KIF27: variants seen among roughly 807,000 people sequenced by gnomAD.
The protein encoded by KIF27 is kinesin family member 27.
A neutral mutation model predicts 141.8 loss-of-function variants in KIF27; 84 were observed. That is an observed-to-expected ratio of 0.59 (90% CI 0.50 to 0.71). KIF27 has a LOEUF of 0.71. KIF27 is among the 30% of genes least tolerant of loss of function. KIF27 has a pLI of 0.00. For missense variants in KIF27, 1,306 were observed against 1,628.4 expected (o/e 0.80, Z 3.41); for synonymous variants, 471 against 569.5 (o/e 0.83, Z 2.46).
At chr9:83,851,378 TC>T (rs1362979623) in intron 15 of KIF27, among the ~76,000 whole-genome samples, 3 of 151,968 alleles carry the variant, frequency 2.0e-5, no homozygotes, top group African/African-American at 7.3e-5. Flanking sequence ...TAAGATGGAG[TC>T]TCACTCTGTC....
chr9:83,851,182 A>G (rs568040910), intron 15 of KIF27, among the ~76,000 whole-genome samples: 221 of 152,156 alleles, frequency 1.5e-3, no homozygotes, highest in African/African-American at 5.1e-3. Context: ...TCACCCTTCC[A>G]TAATTTCTTA....
chr9:83,893,456 TG>T lies in KIF27; in HGVS notation c.1603-1956del, dbSNP rs559337060. Among the ~76,000 whole-genome samples the T allele has an allele frequency of 3.3e-3, 504 of 152,178 alleles. 1 individual carries two copies. The highest frequency in any genetic ancestry group is 9.3e-3 in the African/African-American group (388 of 41,530). Reference sequence around the variant, plus strand: ...CAAAGGACTGAAATCAGAGATAGTATGTTATCTGATCACAATGCAATAAAAA... The same window carrying T: ...CAAAGGACTGAAATCAGAGATAGTATTTATCTGATCACAATGCAATAAAAA... On this transcript the variant is annotated intron_variant, in intron 5 of 17. Coordinates refer to ENST00000297814, the MANE Select transcript of KIF27 (RefSeq NM_017576.4).
At chr9:83,860,607 T>C (rs879574229) in intron 13 of KIF27, among the ~76,000 whole-genome samples, 6 of 152,246 alleles carry the variant, frequency 3.9e-5, no homozygotes, top group Non-Finnish European at 7.3e-5. Flanking sequence ...CTAATTCTTC[T>C]CCAACAGAAC....
Position 83,921,406 on chromosome 9 carries a change from C to G in KIF27, c.-123G>C, listed in dbSNP as rs976612068. The G allele has an allele frequency of 4.6e-5, 7 of 152,364 alleles. No individual in the cohort carries two copies. Among genetic ancestry groups the G allele is most frequent in the African/African-American group, 1.7e-4 (7 of 41,576 alleles). The allele number at this position is 152,364 out of a possible 1,614,324, so 9.4% of individuals were successfully genotyped here. ...CAGCCCAGGCCCCTGTCGGCGAGCG[C>G]TGGACTCCTCAGCTTCGCTCTGCCA... On this transcript the variant is annotated 5_prime_UTR_variant, in exon 1 of 18. Transcript: ENST00000297814.
intron 3 of KIF27, among the ~76,000 whole-genome samples, chr9:83,908,250 A>G (rs1185454665): frequency 6.7e-6 from 1 of 148,526 alleles, no homozygotes; most frequent in African/African-American, 2.5e-5. Flanking sequence ...TGATGGAGCG[A>G]AACTCCATCT....
chr9:83,866,976 A>C (rs1588083895), intron 13 of KIF27, among the ~76,000 whole-genome samples: 1 of 128,850 alleles, frequency 7.8e-6, no homozygotes, highest in African/African-American at 2.9e-5. Flanking sequence ...GAAACCCCAC[A>C]CCTATTAGTA....
intron 14 of KIF27, among the ~76,000 whole-genome samples, chr9:83,854,567 T>A (rs1462448065): frequency 2.6e-5 from 4 of 152,178 alleles, no homozygotes; most frequent in Non-Finnish European, 1.5e-5. Context: ...TCTTTTTCCT[T>A]TTCTTTTTTT....
At position 83,887,199 on chromosome 9, in the gene KIF27, T is replaced by G. The variant is rs1204988186; in HGVS notation, c.2084-3A>C. On this transcript the variant is annotated splice_region_variant and splice_polypyrimidine_tract_variant and intron_variant, in intron 8 of 17. Transcript: ENST00000297814. ...CTGGAGACAATCAATCTTTAAATCTTTAAAAAAAAATGGAGAAATAAAACT... is the reference window on the plus strand; with the variant it reads ...CTGGAGACAATCAATCTTTAAATCTGTAAAAAAAAATGGAGAAATAAAACT... 2 of 1,472,658 alleles carry G rather than the reference T, an allele frequency of 1.4e-6. No individual in the cohort carries two copies. Among genetic ancestry groups the G allele is most frequent in the African/African-American group, 2.9e-5 (2 of 68,408 alleles). 91.2% of individuals were successfully genotyped at this position (1,472,658 alleles called of 1,614,324 possible). A position where few individuals can be genotyped will look rare whatever the true frequency, so the allele number is the denominator to read the frequency against.
chr9:83,888,616 A>G, intron 7 of KIF27, 24 bp from the exon 8 acceptor site: 1 of 1,386,276 alleles, frequency 7.2e-7, no homozygotes, highest in South Asian at 1.3e-5. Flanking sequence ...CAGAAAGTTA[A>G]CTTATTTGTT....
intron 11 of KIF27, among the ~76,000 whole-genome samples, chr9:83,873,535 T>A (rs1297305987): frequency 6.6e-6 from 1 of 152,148 alleles, no homozygotes; most frequent in East Asian, 1.9e-4. Context: ...AGAAGACAGG[T>A]GCTATAGACT....
chr9:83,850,209 C>G lies in KIF27; in HGVS notation c.3446G>C (p.Arg1149Pro), dbSNP rs377569727. The G allele has an allele frequency of 6.2e-7, 1 of 1,612,084 alleles. No homozygotes were observed. The highest frequency in any genetic ancestry group is 8.5e-7 in the Non-Finnish European group (1 of 1,178,126). ...MKVLERDNMV[R>P]ELESALDHLK... ...ATGGTCCAGTGCAGATTCTAATTCA[C>G]GAACCATATTATCCCGTTCCAGAAC... The change falls in exon 16 of 18, where the codon CGT becomes CCT. Residue 1149 changes from arginine (R) to proline (P), a missense_variant. Physicochemically the swap from Arg to Pro is moderately radical, Grantham distance 103 (BLOSUM62 -2). Transcript: ENST00000297814.
At chr9:83,841,068 G>C (rs2909283) in intron 17 of KIF27, among the ~76,000 whole-genome samples, 172 of 151,788 alleles carry the variant, frequency 1.1e-3, no homozygotes, top group African/African-American at 3.8e-3. Context: ...ACAAATATAA[G>C]TTAGCATTTT....
intron 13 of KIF27, among the ~76,000 whole-genome samples, chr9:83,864,796 T>C (rs1477865298): frequency 1.3e-5 from 2 of 152,208 alleles, no homozygotes; most frequent in Admixed American, 6.5e-5. Context: ...CCCATTATTA[T>C]TGTGTGGGAG....
chr9:83,894,845 G>A (rs995313347), intron 5 of KIF27, among the ~76,000 whole-genome samples: 7 of 152,136 alleles, frequency 4.6e-5, no homozygotes, highest in Admixed American at 4.6e-4. Flanking sequence ...AGTTCTCATA[G>A]TACATCATCC....
chr9:83,899,912 A>G, intron 4 of KIF27, 108 bp from the exon 5 acceptor site: 3 of 916,030 alleles, frequency 3.3e-6, no homozygotes, highest in Non-Finnish European at 4.7e-6. Context: ...GATGTCTCAT[A>G]AATTTTTTTT....
chr9:83,880,510 A>T lies in KIF27; in HGVS notation c.2446-16T>A, dbSNP rs1263325516. On this transcript the variant is annotated splice_polypyrimidine_tract_variant and intron_variant, in intron 10 of 17. Coordinates refer to ENST00000297814, the MANE Select transcript of KIF27 (RefSeq NM_017576.4). ...TCTGCAAGACCTGAGATCATATGGA[A>T]TATTTCAAAATGAAAAACTGAATCT... 1 of 1,574,584 alleles carries T rather than the reference A, an allele frequency of 6.4e-7. No individual in the cohort carries two copies. The highest frequency in any genetic ancestry group is 1.4e-5 in the African/African-American group (1 of 73,496).
chr9:83,848,201 CAGATATGATATATATGATATATCAG>C (rs1947822744), intron 16 of KIF27, among the ~76,000 whole-genome samples: 1 of 56,276 alleles, frequency 1.8e-5, no homozygotes, highest in Non-Finnish European at 3.2e-5. Context: ...TATGATATAT[CAGATATGATATATATGATATATCAG>C]ATATGATATA....
At chr9:83,885,893 CT>C (rs899289262) in intron 9 of KIF27, among the ~76,000 whole-genome samples, 1 of 150,754 alleles carries the variant, frequency 6.6e-6, no homozygotes, top group Admixed American at 6.6e-5. Flanking sequence ...GAAGTAGCTG[CT>C]ATTCAAGAAA....
At chr9:83,845,477 T>C (rs1039455375) in intron 16 of KIF27, among the ~76,000 whole-genome samples, 3 of 152,120 alleles carry the variant, frequency 2.0e-5, no homozygotes, top group Non-Finnish European at 4.4e-5. Context: ...CACCCTGCCT[T>C]CTCTCCTCCA....
Sources: gnomAD v4.1 joint callset for allele counts (sites outside exome capture counted in the v4.1 genomes callset) on GRCh38, gnomAD v4.1.1 for gene constraint, MANE v1.5 for transcripts, NCBI Gene and HGNC (gene_info 2026-07-23, HGNC 2026-07-21) for gene names.